Variants in GTF3C3 observed in about 807,000 individuals in gnomAD.
The protein encoded by GTF3C3 is general transcription factor 3C polypeptide 3.
GTF3C3 carries 75 observed loss-of-function variants against 105.2 expected under a neutral mutation model. That is an observed-to-expected ratio of 0.71 (90% CI 0.59 to 0.86). GTF3C3 has a LOEUF of 0.86. GTF3C3 is among the 40% of genes least tolerant of loss of function. The pLI is 0.00. For missense variants in GTF3C3, 856 were observed against 1,076.5 expected, an observed-to-expected ratio of 0.80 and a Z score of 2.87; for synonymous variants, 335 against 370.4, an observed-to-expected ratio of 0.90 and a Z score of 1.10.
At chr2:196,770,670 C>G (rs546422209) in intron 15 of GTF3C3, among the ~76,000 whole-genome samples, 1 of 152,018 alleles carries the variant, frequency 6.6e-6, no homozygotes, top group African/African-American at 2.4e-5. Flanking sequence ...GCAAGTTTTT[C>G]TCATAAAGGA....
Position 196,799,545 on chromosome 2 carries a change from G to C in GTF3C3, c.67C>G (p.Arg23Gly). The C allele has an allele frequency of 2.5e-6, 4 of 1,614,108 alleles. 1 individual carries two copies. The highest frequency in any genetic ancestry group is 3.3e-5 in the Admixed American group (2 of 60,020). ...EGKISFEEFE[R>G]RREERKTREK... ...CGGGTTTTTCTCTCTTCTCTCCGCC[G>C]TTCGAACTCCTCAAAGGAGATTTTC... The change falls in exon 1 of 18, where the codon CGG becomes GGG. Residue 23 changes from arginine to glycine, a missense_variant. Coordinates refer to ENST00000263956, the MANE Select transcript of GTF3C3 (RefSeq NM_012086.5).
In GTF3C3 at chr2:196,764,568, T is replaced by A; in HGVS notation, c.2656A>T (p.Ile886Leu). The A allele has an allele frequency of 1.9e-6, 3 of 1,613,750 alleles. No individual in the cohort carries two copies. The highest frequency in any genetic ancestry group is 2.5e-6 in the Non-Finnish European group (3 of 1,179,774). The part of the protein sequence containing the change: ...AQTLLYTYCS[I>L] ...CTGTTCTCAGTTGCGGTGCTTTATA[T>A]AGAACAATAGGTATACAAAAGCGTT... Residue 886 changes from isoleucine (I) to leucine (L), a missense_variant, in exon 18 of 18, where the codon ATA becomes TTA. Coordinates refer to ENST00000263956, the MANE Select transcript of GTF3C3 (RefSeq NM_012086.5).
chr2:196,789,994 C>G lies in GTF3C3; in HGVS notation c.612G>C (p.Gln204His). ...TTAAATGCGCAGCAATCAACTCAAA[C>G]TGCAATGATTTTTCCATGTCACCTT... ...EDQGDMEKSL[Q>H]FELIAAHLNP... Residue 204 changes from glutamine to histidine, a missense_variant, in exon 5 of 18, where the codon CAG becomes CAC. By Grantham distance (24) the Gln-to-His change is conservative. This residue lies in a region of GTF3C3 where 605 missense variants were observed against 833.6 expected (regional missense o/e 0.73). Transcript: ENST00000263956. The G allele has an allele frequency of 1.9e-6, 3 of 1,613,600 alleles. No individual in the cohort carries two copies. The highest frequency in any genetic ancestry group is 2.5e-6 in the Non-Finnish European group (3 of 1,179,680).
chr2:196,785,022 A>T, intron 7 of GTF3C3, 93 bp from the exon 8 acceptor site: 1 of 810,662 alleles, frequency 1.2e-6, no homozygotes, highest in East Asian at 2.5e-5. Flanking sequence ...AATAATCCCT[A>T]ATATAAAGTT....
Position 196,789,880 on chromosome 2 carries a change from T to A in GTF3C3, c.726A>T (p.Lys242Asn). 6.4e-7 allele frequency: 1 copy of A among 1,559,346 alleles called. No homozygotes were observed. Among genetic ancestry groups the A allele is most frequent in the Non-Finnish European group, 8.6e-7 (1 of 1,158,102 alleles). ...AAAAAAAAAAAAAATTTTAATTACC[T>A]TTTGTATAGCAAAAAATAGCCTGCT... Reference protein sequence around the residue: ...NIKQAIFCYTKALKYEPTNVR... With the variant: ...NIKQAIFCYTNALKYEPTNVR... The change falls in exon 5 of 18, where the codon AAA becomes AAT. Residue 242 changes from lysine to asparagine, a missense_variant and splice_region_variant. Coordinates refer to ENST00000263956, the MANE Select transcript of GTF3C3 (RefSeq NM_012086.5).
At position 196,780,173 on chromosome 2, in the gene GTF3C3, C is replaced by T. The variant is rs1699322066; in HGVS notation, c.1218+386G>A. On this transcript the variant is annotated intron_variant, in intron 9 of 17. Coordinates refer to ENST00000263956, the MANE Select transcript of GTF3C3 (RefSeq NM_012086.5). Reference sequence around the variant, plus strand: ...TGAGGGTATGGATTTGTATATTTTACTCAATATCTTATCCTAAGGTTTACA... The same window carrying T: ...TGAGGGTATGGATTTGTATATTTTATTCAATATCTTATCCTAAGGTTTACA... The T allele has an allele frequency of 5.2e-6, 3 of 580,402 alleles. No individual in the cohort carries two copies. In the African/African-American group the frequency reaches 6.1e-5, roughly 12 times the overall value. 36.0% of individuals were successfully genotyped at this position (580,402 alleles called of 1,614,324 possible).
At chr2:196,789,740 ATACT>A (rs1699514408) in intron 5 of GTF3C3, 135 bp downstream of exon 5, 1 of 588,314 alleles carries the variant, frequency 1.7e-6, no homozygotes, top group Non-Finnish European at 2.9e-6. Flanking sequence ...GGAACCCCAA[ATACT>A]TACCTCTAGA....
chr2:196,789,657 C>T (rs976244998), intron 5 of GTF3C3, among the ~76,000 whole-genome samples: 4 of 152,278 alleles, frequency 2.6e-5, no homozygotes, highest in Admixed American at 1.3e-4. Flanking sequence ...ACTGAAGGTA[C>T]TGTTCATCTA....
chr2:196,775,298 T>G (rs761231689), intron 12 of GTF3C3, 47 bp from the exon 13 acceptor site: 35 of 1,541,316 alleles, frequency 2.3e-5, no homozygotes, highest in Admixed American at 1.9e-5. Context: ...ATAACTGTTT[T>G]GTTTAGAGAC....
intron 2 of GTF3C3, among the ~76,000 whole-genome samples, chr2:196,794,662 C>T (rs955144487): frequency 5.9e-5 from 9 of 151,846 alleles, no homozygotes; most frequent in Non-Finnish European, 1.0e-4. Context: ...CTCAAACTCC[C>T]GACCTCAGGT....
At position 196,786,446 on chromosome 2, in the gene GTF3C3, C is replaced by T. The variant is rs1021008626; in HGVS notation, c.894-858G>A. On this transcript the variant is annotated intron_variant, in intron 6 of 17. Coordinates refer to ENST00000263956, the MANE Select transcript of GTF3C3 (RefSeq NM_012086.5). The surrounding 1 kb of genome is among the most constrained non-coding windows in gnomAD (Gnocchi z 4.2). ...CCAAGAAAAGAGAATTAAATCAGAA[C>T]ATCCCACATATTTCCAGCACATCTA... is the stretch of plus-strand genomic sequence containing the variant. Among the ~76,000 whole-genome samples, 3 of 152,140 alleles carry T rather than the reference C, an allele frequency of 2.0e-5. No individual in the cohort carries two copies. In the South Asian group the frequency reaches 6.2e-4, roughly 32 times the overall value.
In GTF3C3 at chr2:196,771,804, A is replaced by G. The variant is rs1270386370; in HGVS notation, c.2204T>C (p.Leu735Pro). ...TGCATTGTGTCCATTTAAGACACATAGGGCATGATTTTCTGGGTTTTTCAG... is the reference window on the plus strand; with the variant it reads ...TGCATTGTGTCCATTTAAGACACATGGGGCATGATTTTCTGGGTTTTTCAG... ...LMLKNPENHA[L>P]CVLNGHNAFV... Residue 735 changes from leucine (L) to proline (P), a missense_variant, in exon 15 of 18, where the codon CTA becomes CCA. This residue lies in a region of GTF3C3 where 605 missense variants were observed against 833.6 expected (regional missense o/e 0.73). Transcript: ENST00000263956. 6.2e-7 allele frequency: 1 copy of G among 1,613,084 alleles called. No individual in the cohort carries two copies. The highest frequency in any genetic ancestry group is 1.3e-5 in the African/African-American group (1 of 74,912).
At chr2:196,773,952 G>A (rs1168863290) in intron 13 of GTF3C3, among the ~76,000 whole-genome samples, 4 of 152,212 alleles carry the variant, frequency 2.6e-5, no homozygotes, top group Non-Finnish European at 4.4e-5. Flanking sequence ...GCCACGGGCT[G>A]GTACCGGGGT....
rs554415451 is a variant in GTF3C3, at chr2:196,790,856, G to GA, written c.535+480dup. 3.1e-3 allele frequency among the ~76,000 whole-genome samples: 475 copies of GA among 151,610 alleles called. 11 individuals are homozygous for GA. Among genetic ancestry groups the GA allele is most frequent in the Non-Finnish European group, 9.7e-4 (66 of 67,864 alleles). ...GAGCATAATTTGGCAAAACATCAAG[G>GA]AAACAAAACAATAAATATAAGTAAT... On this transcript the variant is annotated intron_variant, in intron 4 of 17. Transcript: ENST00000263956.
rs1699255396 is a variant in GTF3C3, at chr2:196,776,106, C to T, written c.1599G>A (p.Leu533=). 2.6e-6 allele frequency: 4 copies of T among 1,544,158 alleles called. No individual in the cohort carries two copies. Among genetic ancestry groups the T allele is most frequent in the Non-Finnish European group, 3.5e-6 (4 of 1,128,504 alleles). The stretch of plus-strand genomic sequence containing the variant: ...GAGTAGAACGATGAAGCAATAACTT[C>T]AGTTCCTAAACAAATAAGCACATGA... ...AQDANAAQQE[L]KLLLHRSTLL... Residue 533 remains leucine, a synonymous_variant, in exon 12 of 18, where the codon CTG becomes CTA. Transcript: ENST00000263956. This position sits in a 1 kb window ranked among gnomAD's most constrained non-coding sequence, Gnocchi z 4.5.
chr2:196,787,993 G>T (rs905916626), intron 6 of GTF3C3, among the ~76,000 whole-genome samples: 2 of 152,168 alleles, frequency 1.3e-5, no homozygotes, highest in African/African-American at 4.8e-5. Flanking sequence ...ATATCTAATA[G>T]AAGTGGAAAA....
chr2:196,781,353 A>ATATATATATTATATAT (rs1376220822), intron 8 of GTF3C3, among the ~76,000 whole-genome samples: 1 of 23,130 alleles, frequency 4.3e-5, no homozygotes. Context: ...AAAAAAAAAA[A>ATATATATATTATATAT]AAAAATATAT....
At chr2:196,779,145 T>C in intron 9 of GTF3C3, 78 bp from the exon 10 acceptor site, 2 of 1,049,752 alleles carry the variant, frequency 1.9e-6, no homozygotes, top group South Asian at 1.5e-5. Flanking sequence ...TTTTTTTTTT[T>C]GAGATGAAGT....
Position 196,764,545 on chromosome 2 carries a change from G to T in GTF3C3, c.*18C>A. 2.5e-6 allele frequency: 4 copies of T among 1,611,158 alleles called. No individual in the cohort carries two copies. Among genetic ancestry groups the T allele is most frequent in the Non-Finnish European group, 3.4e-6 (4 of 1,178,130 alleles). On this transcript the variant is annotated 3_prime_UTR_variant, in exon 18 of 18. Coordinates refer to ENST00000263956, the MANE Select transcript of GTF3C3 (RefSeq NM_012086.5). ...CTCACACAGCAGCTGCCATTGCTCT[G>T]TTCTCAGTTGCGGTGCTTTATATAG...
Sources: gnomAD v4.1 joint callset for allele counts (sites outside exome capture counted in the v4.1 genomes callset) on GRCh38, gnomAD v4.1.1 for gene constraint, gnomAD v4.1.1 regional missense constraint, Gnocchi (gnomAD v3.1) non-coding constraint, MANE v1.5 for transcripts, NCBI Gene and HGNC (gene_info 2026-07-23, HGNC 2026-07-21) for gene names.